Variants in FAM185A observed in about 807,000 individuals in gnomAD.
FAM185A encodes protein FAM185A.
A neutral mutation model predicts 45.7 loss-of-function variants in FAM185A; 21 were observed. That is an observed-to-expected ratio of 0.46 (90% CI 0.33 to 0.66). The LOEUF (loss-of-function observed/expected upper bound fraction) is 0.66, where lower values mean the gene tolerates loss of function less well. FAM185A is among the 30% of genes least tolerant of loss of function. The pLI, the probability that FAM185A is intolerant of heterozygous loss-of-function variation, is 0.03. For missense variants in FAM185A, 305 were observed against 485.4 expected (o/e 0.63, Z 3.49); for synonymous variants, 117 against 194.0 (o/e 0.60, Z 3.30).
chr7:102,831,533 G>A, the FAM185A span, among the ~76,000 whole-genome samples: 1 of 152,136 alleles, frequency 6.6e-6, no homozygotes, highest in Non-Finnish European at 1.5e-5. Flanking sequence ...GGGGTGGGGA[G>A]AGACAGTTGC....
intron 7 of FAM185A, among the ~76,000 whole-genome samples, chr7:102,802,198 G>A (rs1230494989): frequency 6.6e-6 from 1 of 152,128 alleles, no homozygotes; most frequent in Non-Finnish European, 1.5e-5. Flanking sequence ...GGACTTAACA[G>A]ATATATACAG....
intron 3 of FAM185A, 58 bp downstream of exon 3, chr7:102,758,004 C>T (rs1474763893): frequency 1.3e-6 from 2 of 1,543,528 alleles, no homozygotes; most frequent in African/African-American, 1.4e-5. Context: ...CCATTTGGCT[C>T]ACCAAGTTGG....
the FAM185A span, among the ~76,000 whole-genome samples, chr7:102,832,683 A>G: frequency 1.8e-3 from 273 of 152,394 alleles, 1 homozygote; most frequent in African/African-American, 6.2e-3. Flanking sequence ...GTGGAATCAT[A>G]AGCTATTTCC....
At chr7:102,786,925 CAGGGCAATAATA>C (rs751848566) in intron 6 of FAM185A, among the ~76,000 whole-genome samples, 3 of 151,524 alleles carry the variant, frequency 2.0e-5, no homozygotes, top group Non-Finnish European at 2.9e-5. Context: ...TCTATAAAAT[CAGGGCAATAATA>C]ATACCTCATA....
intron 7 of FAM185A, among the ~76,000 whole-genome samples, chr7:102,791,689 G>T (rs1258195209): frequency 5.9e-5 from 9 of 152,180 alleles, no homozygotes; most frequent in African/African-American, 2.2e-4. Context: ...TCTGTATGTT[G>T]TCTCTGATAG....
the FAM185A span, among the ~76,000 whole-genome samples, chr7:102,849,064 A>G: frequency 6.6e-6 from 1 of 152,324 alleles, no homozygotes; most frequent in African/African-American, 2.4e-5. Flanking sequence ...ACAACTTATT[A>G]AGATGGAACT....
chr7:102,825,273 G>A, the FAM185A span, among the ~76,000 whole-genome samples: 2 of 152,122 alleles, frequency 1.3e-5, no homozygotes, highest in Admixed American at 1.3e-4. Context: ...GAGGTAATCG[G>A]GTCATGAAGG....
At chr7:102,848,600 A>AAAAAAAAAAAAC in the FAM185A span, among the ~76,000 whole-genome samples, 1 of 147,068 alleles carries the variant, frequency 6.8e-6, no homozygotes, top group East Asian at 2.0e-4. Flanking sequence ...AAAAAAAAAA[A>AAAAAAAAAAAAC]AATACACATT....
chr7:102,817,530 A>G, the FAM185A span, among the ~76,000 whole-genome samples: 4 of 152,176 alleles, frequency 2.6e-5, no homozygotes, highest in Non-Finnish European at 4.4e-5. Flanking sequence ...TAATTTGATA[A>G]TATTTTTCTC....
chr7:102,769,754 C>G (rs892612488), intron 4 of FAM185A, among the ~76,000 whole-genome samples: 1 of 151,588 alleles, frequency 6.6e-6, no homozygotes, highest in Non-Finnish European at 1.5e-5. Flanking sequence ...AGCCTTCTTG[C>G]GGATAGGGGC....
At chr7:102,818,733 G>A in the FAM185A span, among the ~76,000 whole-genome samples, 12 of 152,050 alleles carry the variant, frequency 7.9e-5, no homozygotes, top group African/African-American at 2.4e-4. Context: ...AGAATTGAAG[G>A]TTTTGGGCTC....
rs1019290542 is a variant in FAM185A at position 102,785,398 on chromosome 7, C to A, written c.932-1937C>A. ...TCAATCCTAAGCCAAAAGAACAAAG[C>A]TGGAGGCATCACGCTACCTGACTTC... On this transcript the variant is annotated intron_variant, in intron 6 of 7. Transcript: ENST00000413034. Among the ~76,000 whole-genome samples the A allele has an allele frequency of 2.9e-4, 43 of 150,674 alleles. 1 individual carries two copies. In the South Asian group the frequency reaches 8.7e-3, roughly 30 times the overall value.
At chr7:102,846,853 C>T in the FAM185A span, among the ~76,000 whole-genome samples, 1 of 152,140 alleles carries the variant, frequency 6.6e-6, no homozygotes, top group African/African-American at 2.4e-5. Context: ...GCACAAACAG[C>T]ATTTGCTTAT....
downstream of FAM185A, among the ~76,000 whole-genome samples, chr7:102,811,653 G>T (rs115774170): frequency 0.012 from 1,894 of 152,312 alleles, 47 homozygotes; most frequent in African/African-American, 0.044. Flanking sequence ...CCTTTAGAAA[G>T]CAATTGCCTC....
chr7:102,766,847 G>A (rs1794437533), intron 4 of FAM185A, among the ~76,000 whole-genome samples: 1 of 152,074 alleles, frequency 6.6e-6, no homozygotes, highest in Non-Finnish European at 1.5e-5. Context: ...CCAGGCTTGA[G>A]TGTGATGGCT....
intron 6 of FAM185A, among the ~76,000 whole-genome samples, chr7:102,786,249 C>A (rs1349130260): frequency 6.6e-6 from 1 of 152,194 alleles, no homozygotes; most frequent in African/African-American, 2.4e-5. Context: ...TAAGCTAATT[C>A]AACCATTGTG....
intron 6 of FAM185A, among the ~76,000 whole-genome samples, chr7:102,781,649 C>A (rs1260806865): frequency 6.6e-6 from 1 of 152,160 alleles, no homozygotes; most frequent in Admixed American, 6.5e-5. Flanking sequence ...ACACAAAAAC[C>A]CCATCTGTAC....
intron 7 of FAM185A, among the ~76,000 whole-genome samples, chr7:102,796,169 GGAGTCAGAGCTGTCCTTTTGTGTT>G (rs1261659502): frequency 2.6e-5 from 4 of 152,050 alleles, no homozygotes; most frequent in Non-Finnish European, 4.4e-5. Context: ...GAAATCATAG[GGAGTCAGAGCTGTCCTTTTGTGTT>G]GAGTCAGTTC....
chr7:102,799,456 G>T (rs1250247582), intron 7 of FAM185A, among the ~76,000 whole-genome samples: 1 of 152,254 alleles, frequency 6.6e-6, no homozygotes, highest in Non-Finnish European at 1.5e-5. Context: ...CTGACAAAAA[G>T]ATCAGATGGT....
Sources: allele counts gnomAD v4.1 joint callset (sites outside exome capture counted in the v4.1 genomes callset), GRCh38; gene constraint gnomAD v4.1.1; transcripts MANE v1.5; gene names NCBI Gene and HGNC (gene_info 2026-07-23, HGNC 2026-07-21).